Variants in DPP6 observed in about 807,000 individuals in gnomAD.
The protein encoded by DPP6 is dipeptidyl peptidase like 6, also known as A-type potassium channel modulatory protein DPP6.
A neutral mutation model predicts 122.6 loss-of-function variants in DPP6; 69 were observed. That is an observed-to-expected ratio of 0.56 (90% CI 0.46 to 0.69). The LOEUF is 0.69. Ranked by LOEUF, DPP6 falls within the 30% of genes least tolerant of loss-of-function variation. The pLI, the probability that DPP6 is intolerant of heterozygous loss-of-function variation, is 0.00. For missense variants in DPP6, 928 were observed against 1,116.9 expected (o/e 0.83, Z 2.41); for synonymous variants, 418 against 433.1 (o/e 0.97, Z 0.43).
intron 1 of DPP6, among the ~76,000 whole-genome samples, chr7:154,395,960 T>A (rs890307925): frequency 6.9e-6 from 1 of 144,326 alleles, no homozygotes; most frequent in Non-Finnish European, 1.5e-5. Flanking sequence ...TTTTTTTTTT[T>A]AATCATAAAG....
intron 10 of DPP6, 87 bp from the exon 11 acceptor site, chr7:154,793,992 C>A: frequency 1.3e-6 from 2 of 1,519,770 alleles, no homozygotes; most frequent in South Asian, 1.3e-5. Flanking sequence ...GCTCCCGTGT[C>A]GTGTCCAGGG....
At chr7:154,517,905 C>T (rs1826656316) in intron 3 of DPP6, among the ~76,000 whole-genome samples, 1 of 152,144 alleles carries the variant, frequency 6.6e-6, no homozygotes, top group South Asian at 2.1e-4. Flanking sequence ...ACACCTCCAC[C>T]ATTCGGAGAG....
chr7:154,061,499 G>C (rs1212766709), intron 1 of DPP6, among the ~76,000 whole-genome samples: 2 of 147,224 alleles, frequency 1.4e-5, no homozygotes, highest in African/African-American at 5.0e-5. Flanking sequence ...CAACTGCCCT[G>C]CTAGTACAAG....
intron 1 of DPP6, among the ~76,000 whole-genome samples, chr7:154,157,686 C>A (rs1024414053): frequency 1.1e-4 from 17 of 152,112 alleles, no homozygotes; most frequent in African/African-American, 4.1e-4. Flanking sequence ...GTAATCCCAG[C>A]ACTTTGGGAG....
chr7:154,695,113 A>G (rs1162636763), intron 7 of DPP6, among the ~76,000 whole-genome samples: 1 of 152,184 alleles, frequency 6.6e-6, no homozygotes, highest in African/African-American at 2.4e-5. Flanking sequence ...GATGGTATCA[A>G]ATGAAGGGAA....
At chr7:154,502,554 G>A (rs539831089) in intron 3 of DPP6, among the ~76,000 whole-genome samples, 3 of 152,250 alleles carry the variant, frequency 2.0e-5, no homozygotes, top group African/African-American at 4.8e-5. Flanking sequence ...CTCTTCTCTT[G>A]TCTGCTGCCA....
chr7:154,303,089 C>T (rs553484995), intron 1 of DPP6, among the ~76,000 whole-genome samples: 1 of 152,322 alleles, frequency 6.6e-6, no homozygotes. Context: ...TCAAGCGATT[C>T]TCCTGCCTTA....
intron 1 of DPP6, among the ~76,000 whole-genome samples, chr7:154,141,298 T>A (rs1486524107): frequency 6.6e-6 from 1 of 152,234 alleles, no homozygotes; most frequent in Non-Finnish European, 1.5e-5. Context: ...AAATACAGCT[T>A]GTTGCAAAAA....
chr7:154,344,491 A>G (rs1810220572), intron 1 of DPP6, among the ~76,000 whole-genome samples: 1 of 152,166 alleles, frequency 6.6e-6, no homozygotes, highest in Admixed American at 6.5e-5. Flanking sequence ...CACAGCCACT[A>G]TGGAGAGTAG....
the DPP6 span, among the ~76,000 whole-genome samples, chr7:153,787,801 TA>T: frequency 1.3e-5 from 2 of 151,122 alleles, no homozygotes; most frequent in East Asian, 3.9e-4. Flanking sequence ...TACTGTGGTT[TA>T]TGTAGGCATT....
intron 5 of DPP6, among the ~76,000 whole-genome samples, chr7:154,627,302 T>C (rs1397260221): frequency 3.3e-5 from 5 of 150,808 alleles, no homozygotes; most frequent in African/African-American, 1.2e-4. Flanking sequence ...TTTTCGCCAT[T>C]ATCCTGCCTT....
chr7:154,677,559 C>T (rs1283333237), intron 7 of DPP6, among the ~76,000 whole-genome samples: 1 of 152,196 alleles, frequency 6.6e-6, no homozygotes, highest in African/African-American at 2.4e-5. Context: ...CTCCAAAACG[C>T]TTTGTTAGAG....
chr7:154,056,717 A>G lies in DPP6; in HGVS notation c.243+3654A>G, dbSNP rs139355152. 3.1e-3 allele frequency among the ~76,000 whole-genome samples: 471 copies of G among 152,260 alleles called. 3 individuals carry two copies. Among genetic ancestry groups the G allele is most frequent in the African/African-American group, 0.01 (434 of 41,538 alleles). On this transcript the variant is annotated intron_variant, in intron 1 of 25. Coordinates refer to ENST00000377770, the MANE Select transcript of DPP6 (RefSeq NM_130797.4). ...GGAAGGGCCAATTTCATCATCCGCTATGTCTTCGGCAACCAACCCATTTTT... is the reference window on the plus strand; with the variant it reads ...GGAAGGGCCAATTTCATCATCCGCTGTGTCTTCGGCAACCAACCCATTTTT...
At chr7:154,887,947 C>T (rs1274263440) in intron 23 of DPP6, among the ~76,000 whole-genome samples, 1 of 152,136 alleles carries the variant, frequency 6.6e-6, no homozygotes, top group Non-Finnish European at 1.5e-5. Flanking sequence ...CCTGATTTCC[C>T]ATTATAGGAC....
chr7:154,004,928 AGTT>A (rs1252891159), intron 1 of DPP6, among the ~76,000 whole-genome samples: 2 of 152,174 alleles, frequency 1.3e-5, no homozygotes, highest in African/African-American at 2.4e-5. Flanking sequence ...CGCCTATAAT[AGTT>A]GTTAATGGTT....
At chr7:154,210,401 G>A (rs889435764) in intron 1 of DPP6, among the ~76,000 whole-genome samples, 4 of 152,204 alleles carry the variant, frequency 2.6e-5, no homozygotes, top group African/African-American at 9.7e-5. Context: ...CCAGGCTGCA[G>A]AATTGAGTGC....
At chr7:154,105,956 C>T (rs1487247229) in intron 1 of DPP6, among the ~76,000 whole-genome samples, 9 of 149,592 alleles carry the variant, frequency 6.0e-5, no homozygotes, top group Non-Finnish European at 1.0e-4. Context: ...GCTTTCCCAT[C>T]TCACTTTTGG....
chr7:154,381,486 T>C (rs1314629186), intron 1 of DPP6, among the ~76,000 whole-genome samples: 1 of 152,196 alleles, frequency 6.6e-6, no homozygotes, highest in Non-Finnish European at 1.5e-5. Context: ...TCTATAGACA[T>C]ATGTGTGTAT....
At chr7:154,379,392 A>T (rs935315485) in intron 1 of DPP6, among the ~76,000 whole-genome samples, 1 of 152,152 alleles carries the variant, frequency 6.6e-6, no homozygotes, top group African/African-American at 2.4e-5. Flanking sequence ...TAGCATTAGG[A>T]GAAATACCTA....
Sources: gnomAD v4.1 joint callset for allele counts (sites outside exome capture counted in the v4.1 genomes callset) on GRCh38, gnomAD v4.1.1 for gene constraint, MANE v1.5 for transcripts, NCBI Gene and HGNC (gene_info 2026-07-23, HGNC 2026-07-21) for gene names.